Variants in QRICH2 observed in about 807,000 individuals in gnomAD.
QRICH2 encodes the protein glutamine-rich protein 2.
Under a neutral mutation model 168.3 loss-of-function variants are expected in QRICH2, and 119 were observed. That is an observed-to-expected ratio of 0.71 (90% CI 0.61 to 0.82). The LOEUF (loss-of-function observed/expected upper bound fraction) is 0.82, where lower values mean the gene tolerates loss of function less well. QRICH2 is among the 40% of genes least tolerant of loss of function. QRICH2 has a pLI of 0.00. For missense variants in QRICH2, 2,241 were observed against 2,491.6 expected, an observed-to-expected ratio of 0.90 and a Z score of 2.14; for synonymous variants, 894 against 951.2, an observed-to-expected ratio of 0.94 and a Z score of 1.11.
chr17:76,276,600 T>C (rs1457971763), intron 17 of QRICH2, 80 bp downstream of exon 17: 1 of 1,043,594 alleles, frequency 9.6e-7, no homozygotes, highest in Non-Finnish European at 1.5e-6. Context: ...TAGTGGCCCA[T>C]AAAAGTGCCA....
At chr17:76,306,168 C>CAAAAAAAAAAAAAAA (rs368182885) in intron 1 of QRICH2, among the ~76,000 whole-genome samples, 1 of 68,102 alleles carries the variant, frequency 1.5e-5, no homozygotes, top group Non-Finnish European at 3.2e-5. Context: ...GAATGTGTCT[C>CAAAAAAAAAAAAAAA]AAAAAAAAAA....
At chr17:76,287,486 G>A (rs2070911746) in intron 6 of QRICH2, among the ~76,000 whole-genome samples, 180 bp from the exon 7 acceptor site, 1 of 152,144 alleles carries the variant, frequency 6.6e-6, no homozygotes, top group Non-Finnish European at 1.5e-5. Flanking sequence ...AGGCTTCTGG[G>A]CGGTAGGACT....
chr17:76,303,311 T>A (rs1465288002), intron 3 of QRICH2, among the ~76,000 whole-genome samples: 1 of 152,140 alleles, frequency 6.6e-6, no homozygotes, highest in African/African-American at 2.4e-5. Flanking sequence ...GGCCACTTGG[T>A]GGCGCCAAAA....
chr17:76,293,096 C>T lies in QRICH2; in HGVS notation c.1631G>A (p.Ser544Asn). ...CTGCACAAAACCTTGCTGATCTGCA[C>T]TAATTGGCATCAAACCAGGTGATAC... ...GLVSPGLMPI[S>N]ADQQGFVQPS... The change falls in exon 4 of 19, where the codon AGT becomes AAT. Residue 544 changes from serine to asparagine, a missense_variant. Physicochemically the swap from Ser to Asn is conservative, Grantham distance 46 (BLOSUM62 1). Coordinates refer to ENST00000680821, the MANE Select transcript of QRICH2 (RefSeq NM_001388453.1). 6.2e-7 allele frequency: 1 copy of T among 1,614,242 alleles called. No homozygotes were observed. The highest frequency in any genetic ancestry group is 1.1e-5 in the South Asian group (1 of 91,090).
At chr17:76,276,658 G>A in intron 17 of QRICH2, 22 bp downstream of exon 17, 2 of 1,600,852 alleles carry the variant, frequency 1.2e-6, no homozygotes, top group Non-Finnish European at 1.7e-6. Context: ...GAGGTGCCTG[G>A]GGGCCTCTGG....
chr17:76,297,830 C>T (rs553635977), intron 3 of QRICH2, among the ~76,000 whole-genome samples: 1 of 151,246 alleles, frequency 6.6e-6, no homozygotes, highest in South Asian at 2.1e-4. Context: ...GCAATCTTCC[C>T]CCTTCAGCCT....
intron 7 of QRICH2, 92 bp from the exon 8 acceptor site, chr17:76,282,207 C>G: frequency 1.4e-6 from 2 of 1,461,584 alleles, no homozygotes. Context: ...CTGTGTGCCT[C>G]TCCCCTGTCG....
At chr17:76,303,666 C>T (rs1287880493) in intron 3 of QRICH2, among the ~76,000 whole-genome samples, 1 of 151,554 alleles carries the variant, frequency 6.6e-6, no homozygotes, top group Admixed American at 6.6e-5. Context: ...GTGAGGAGAT[C>T]GAGACTTTCC....
chr17:76,293,136 C>T lies in QRICH2; in HGVS notation c.1591G>A (p.Asp531Asn), dbSNP rs749914595. The stretch of plus-strand genomic sequence containing the variant: ...CCAGGTGATACCAAACCATGCTGGT[C>T]TGTAAAAGGTAGAACCAGGCCATGT... ...DQHGLVLPFTDQHGLVSPGLM... is the reference protein window; with the variant it reads ...DQHGLVLPFTNQHGLVSPGLM... Residue 531 changes from aspartate (D) to asparagine (N), a missense_variant, in exon 4 of 19, where the codon GAC becomes AAC. Coordinates refer to ENST00000680821, the MANE Select transcript of QRICH2 (RefSeq NM_001388453.1). 1.2e-6 allele frequency: 2 copies of T among 1,614,222 alleles called. No homozygotes were observed. Among genetic ancestry groups the T allele is most frequent in the South Asian group, 2.2e-5 (2 of 91,074 alleles).
At chr17:76,298,685 G>A (rs931905919) in intron 3 of QRICH2, among the ~76,000 whole-genome samples, 22 of 151,552 alleles carry the variant, frequency 1.5e-4, no homozygotes, top group African/African-American at 5.1e-4. Context: ...GCGCGATCTC[G>A]GCTCACTGCA....
chr17:76,307,705 C>T lies in QRICH2; in HGVS notation c.294G>A (p.Ala98=). The T allele has an allele frequency of 7.0e-7, 1 of 1,432,706 alleles. No homozygotes were observed. The highest frequency in any genetic ancestry group is 9.1e-7 in the Non-Finnish European group (1 of 1,095,298). 88.7% of individuals were successfully genotyped at this position (1,432,706 alleles called of 1,614,324 possible). A position where few individuals can be genotyped will look rare whatever the true frequency, so the allele number is the denominator to read the frequency against. The change falls in exon 1 of 19, where the codon GCG becomes GCA. Residue 98 remains alanine, a synonymous_variant. Coordinates refer to ENST00000680821, the MANE Select transcript of QRICH2 (RefSeq NM_001388453.1). The surrounding 1 kb of genome is among the most constrained non-coding windows in gnomAD (Gnocchi z 5.3). ...CCAGGTCCTTCACTTGGCTCTCCAG[C>T]GCTGACGAAGGCGCCTGGCCCACGC... ...RRGVGQAPSS[A]LESQVKDLGG...
intron 15 of QRICH2, 108 bp from the exon 16 acceptor site, chr17:76,277,418 G>A (rs935125191): frequency 2.3e-5 from 30 of 1,323,000 alleles, no homozygotes; most frequent in Non-Finnish European, 3.0e-5. Context: ...GCTTCTCTTC[G>A]GGGGCTGCCG....
chr17:76,290,958 T>A (rs2070975260), intron 4 of QRICH2, 57 bp downstream of exon 4: 15 of 1,573,836 alleles, frequency 9.5e-6, no homozygotes, highest in Admixed American at 1.8e-5. Flanking sequence ...AAGAAAAGGA[T>A]GAAACCAACT....
rs1302580970 is a variant in QRICH2 at position 76,275,805 on chromosome 17, C to T, written c.5482+14G>A. ...GGGAGGCCTGGCAGGACGCCCCACC[C>T]AGAGGGAAGCTACCTGAGGTGTTGC... is the stretch of plus-strand genomic sequence containing the variant. On this transcript the variant is annotated intron_variant, in intron 18 of 18. Transcript: ENST00000680821. 1 of 1,603,208 alleles carries T rather than the reference C, an allele frequency of 6.2e-7. No homozygotes were observed. The highest frequency in any genetic ancestry group is 8.5e-7 in the Non-Finnish European group (1 of 1,179,164).
chr17:76,280,312 C>A lies in QRICH2; in HGVS notation c.4601G>T (p.Arg1534Met), dbSNP rs890641595. Residue 1534 changes from arginine (R) to methionine (M), a missense_variant, in exon 11 of 19, where the codon AGG (arginine) becomes ATG (methionine). Around this residue, in one of 3 missense-constraint regions of QRICH2, gnomAD observed 2,047 missense variants for 2,303.8 expected, o/e 0.89. Coordinates refer to ENST00000680821, the MANE Select transcript of QRICH2 (RefSeq NM_001388453.1). The surrounding 1 kb of genome is among the most constrained non-coding windows in gnomAD (Gnocchi z 7.4). ...CTTGTTGTCCATCTCTGTGAGCAGCCTGTCCAGCATCTTCTGCCAGTCCTG... is the reference window on the plus strand; with the variant it reads ...CTTGTTGTCCATCTCTGTGAGCAGCATGTCCAGCATCTTCTGCCAGTCCTG... Reference protein sequence around the residue: ...QEQDWQKMLDRLLTEMDNKLD... With the variant: ...QEQDWQKMLDMLLTEMDNKLD... The A allele has an allele frequency of 6.2e-7, 1 of 1,614,192 alleles. No individual in the cohort carries two copies. The highest frequency in any genetic ancestry group is 1.7e-5 in the Admixed American group (1 of 60,022).
rs766635690 is a variant in QRICH2, at chr17:76,292,064, T to C, written c.2663A>G (p.Gln888Arg). The change falls in exon 4 of 19, where the codon CAG (glutamine) becomes CGG (arginine). Residue 888 changes from glutamine (Q) to arginine (R), a missense_variant. Around this residue, in one of 3 missense-constraint regions of QRICH2, gnomAD observed 2,047 missense variants for 2,303.8 expected, o/e 0.89. Coordinates refer to ENST00000680821, the MANE Select transcript of QRICH2 (RefSeq NM_001388453.1). ...QRGLVQPGMD[Q>R]RGLIQPGADQ... ...TGCACCAGGTTGGATCAAACCACGC[T>C]GGTCCATTCCAGGTTGGACCAAACC... The C allele has an allele frequency of 3.5e-5, 57 of 1,614,100 alleles. 1 individual carries two copies. Among genetic ancestry groups the C allele is most frequent in the Middle Eastern group, 3.3e-4 (2 of 6,062 alleles).
intron 7 of QRICH2, among the ~76,000 whole-genome samples, 184 bp downstream of exon 7, chr17:76,287,008 C>T (rs1159383864): frequency 1.3e-5 from 2 of 149,068 alleles, no homozygotes; most frequent in South Asian, 4.3e-4. Flanking sequence ...GACACATTCG[C>T]CACCGCCCCC....
rs141495358 is a variant in QRICH2, at chr17:76,278,019, G to A, written c.5087C>T (p.Ala1696Val). The A allele has an allele frequency of 2.5e-6, 4 of 1,613,066 alleles. No individual in the cohort carries two copies. The African/African-American group carries it at 5.3e-5, about 22-fold the overall frequency. ...SSQIIRELLHAQCLGSPCYKR... is the reference protein window; with the variant it reads ...SSQIIRELLHVQCLGSPCYKR... ...GTAGCAGGGGGAGCCCAGGCACTGG[G>A]CGTGCAGCAGCTCGCGGATTATCTG... is the stretch of plus-strand genomic sequence containing the variant. Residue 1696 changes from alanine (A) to valine (V), a missense_variant, in exon 15 of 19, where the codon GCC becomes GTC. Transcript: ENST00000680821.
intron 4 of QRICH2, 48 bp downstream of exon 4, chr17:76,290,967 C>T: frequency 1.9e-6 from 3 of 1,582,664 alleles, no homozygotes; most frequent in Non-Finnish European, 2.6e-6. Flanking sequence ...ATGAAACCAA[C>T]TGAAAACAGA....
Sources: gnomAD v4.1 joint callset for allele counts (sites outside exome capture counted in the v4.1 genomes callset) on GRCh38, gnomAD v4.1.1 for gene constraint, gnomAD v4.1.1 regional missense constraint, Gnocchi (gnomAD v3.1) non-coding constraint, MANE v1.5 for transcripts, NCBI Gene and HGNC (gene_info 2026-07-23, HGNC 2026-07-21) for gene names.